Variants in MYO18A observed in about 807,000 individuals in gnomAD.
MYO18A encodes the protein unconventional myosin-XVIIIa.
In MYO18A, 78 loss-of-function variants were observed where a neutral mutation model predicts 235.8. The ratio of observed to expected loss-of-function variants is 0.33; its 90% CI spans 0.28 to 0.40. The LOEUF is 0.40. Among genes scored for constraint, MYO18A ranks in the 10% least tolerant of loss-of-function variants. The pLI is 1.00. For missense variants in MYO18A, 2,215 were observed against 2,699.3 expected (o/e 0.82, Z 3.98); for synonymous variants, 977 against 1,077.8 (o/e 0.91, Z 1.83).
At chr17:29,077,067 C>T (rs1338603934) in intron 41 of MYO18A, 5 of 152,308 alleles carry the variant, frequency 3.3e-5, no homozygotes, top group Non-Finnish European at 5.9e-5. Context: ...GCCGTGTTTC[C>T]ATACTGTTTC....
chr17:29,174,355 T>A (rs979272635), intron 1 of MYO18A, among the ~76,000 whole-genome samples: 1 of 151,950 alleles, frequency 6.6e-6, no homozygotes, highest in Admixed American at 6.6e-5. Flanking sequence ...AAAAATTTTT[T>A]AAAAGTAGCT....
chr17:29,116,592 ACAGT>A, intron 10 of MYO18A, 137 bp from the exon 11 acceptor site: 2 of 756,970 alleles, frequency 2.6e-6, no homozygotes, highest in South Asian at 3.1e-5. Flanking sequence ...AAACACAACC[ACAGT>A]CAGACTTGGG....
chr17:29,096,851 C>G lies in MYO18A; in HGVS notation c.4295G>C (p.Cys1432Ser), dbSNP rs750119577. 1 of 1,590,470 alleles carries G rather than the reference C, an allele frequency of 6.3e-7. No homozygotes were observed. The highest frequency in any genetic ancestry group is 1.8e-5 in the Admixed American group (1 of 56,752). ...TTGCAGCTCAGCCGTCAGTCGCTGG[C>G]ACTTCTTCTTGAGCTGCTGCAGAGC... ...QRALQQLKKK[C>S]QRLTAELQDT... The change falls in exon 28 of 42, where the codon TGC (cysteine) becomes TCC (serine). Residue 1432 changes from cysteine (C) to serine (S), a missense_variant. Coordinates refer to ENST00000527372, the MANE Select transcript of MYO18A (RefSeq NM_078471.4).
In MYO18A at chr17:29,111,359, G is replaced by A. The variant is rs1011514402; in HGVS notation, c.2900+65C>T. 1 of 1,558,924 alleles carries A rather than the reference G, an allele frequency of 6.4e-7. No individual in the cohort carries two copies. The highest frequency in any genetic ancestry group is 8.7e-7 in the Non-Finnish European group (1 of 1,147,358). On this transcript the variant is annotated intron_variant, in intron 17 of 41. Coordinates refer to ENST00000527372, the MANE Select transcript of MYO18A (RefSeq NM_078471.4). The surrounding 1 kb of genome is among the most constrained non-coding windows in gnomAD (Gnocchi z 5.1). ...GGGGCCTCTGAGACAACCCCAGGGG[G>A]AGGGAGCCCCAAAATCAAAACAGTC... is the stretch of plus-strand genomic sequence containing the variant.
intron 31 of MYO18A, 139 bp downstream of exon 31, chr17:29,093,841 G>T: frequency 1.5e-6 from 1 of 650,344 alleles, no homozygotes; most frequent in Non-Finnish European, 2.7e-6. Context: ...CCAATGCTAG[G>T]ATCCCGAGAG....
intron 2 of MYO18A, among the ~76,000 whole-genome samples, chr17:29,132,966 G>C (rs1479674979): frequency 6.6e-6 from 1 of 152,340 alleles, no homozygotes; most frequent in South Asian, 2.1e-4. Flanking sequence ...GGGCACACAG[G>C]TTAGTGGGAG....
chr17:29,164,973 G>T (rs2068249397), intron 2 of MYO18A, among the ~76,000 whole-genome samples: 1 of 152,176 alleles, frequency 6.6e-6, no homozygotes, highest in African/African-American at 2.4e-5. Flanking sequence ...AAAGACTCTT[G>T]GAGCCCAAGT....
intron 30 of MYO18A, chr17:29,094,376 G>A (rs1317836461): frequency 1.7e-6 from 1 of 600,044 alleles, no homozygotes; most frequent in African/African-American, 1.9e-5. Context: ...CTGGGTAGCA[G>A]GCTGGGTGGG....
intron 2 of MYO18A, among the ~76,000 whole-genome samples, chr17:29,154,121 T>TGTGTGTGCGC (rs142430455): frequency 5.4e-5 from 8 of 149,000 alleles, no homozygotes; most frequent in African/African-American, 2.0e-4. Context: ...TGTGTGTGTG[T>TGTGTGTGCGC]GCGCGCGCGT....
rs553785321 is a variant in MYO18A, at chr17:29,166,749, G to A, written c.192C>T (p.Asn64=). 4 of 1,613,900 alleles carry A rather than the reference G, an allele frequency of 2.5e-6. No homozygotes were observed. In the Admixed American group the frequency reaches 6.7e-5, roughly 27 times the overall value. Reference sequence around the variant, plus strand: ...CGCTGGCCACCTTGATGGGGATGGGGTTGGAGATTTCCAGGCGCGTCTTGG... The same window carrying A: ...CGCTGGCCACCTTGATGGGGATGGGATTGGAGATTTCCAGGCGCGTCTTGG... ...RESKTRLEIS[N]PIPIKVASGS... is the part of the protein sequence containing the mutation. Residue 64 remains asparagine, a synonymous_variant, in exon 2 of 42, where the codon AAC becomes AAT. Coordinates refer to ENST00000527372, the MANE Select transcript of MYO18A (RefSeq NM_078471.4).
At chr17:29,157,557 C>T (rs536415505) in intron 2 of MYO18A, among the ~76,000 whole-genome samples, 1 of 152,312 alleles carries the variant, frequency 6.6e-6, no homozygotes, top group East Asian at 1.9e-4. Context: ...TCACTTAATA[C>T]CTGTGCAACC....
Position 29,109,963 on chromosome 17 carries a change from A to C in MYO18A, c.3226T>G (p.Ser1076Ala). The change falls in exon 19 of 42, where the codon TCG becomes GCG. Residue 1076 changes from serine to alanine, a missense_variant. Coordinates refer to ENST00000527372, the MANE Select transcript of MYO18A (RefSeq NM_078471.4). This position sits in a 1 kb window ranked among gnomAD's most constrained non-coding sequence, Gnocchi z 4.1. ...VSSSSELDLP[S>A]GDHCEAGLLQ... ...AGCCCAGCCTCGCAGTGGTCTCCCGAGGGCAGGTCCAGCTCACTGCTGCTG... is the reference window on the plus strand; with the variant it reads ...AGCCCAGCCTCGCAGTGGTCTCCCGCGGGCAGGTCCAGCTCACTGCTGCTG... The C allele has an allele frequency of 6.2e-7, 1 of 1,610,816 alleles. No individual in the cohort carries two copies. Among genetic ancestry groups the C allele is most frequent in the Admixed American group, 1.7e-5 (1 of 59,678 alleles).
chr17:29,180,032 C>T lies in MYO18A; in HGVS notation c.-82+281G>A, dbSNP rs568130484. On this transcript the variant is annotated intron_variant, in intron 1 of 41. Transcript: ENST00000527372. This position sits in a 1 kb window ranked among gnomAD's most constrained non-coding sequence, Gnocchi z 6.1. Reference sequence around the variant, plus strand: ...AAATCCCCCCACACTGAAGGCCACCCTGTCCTGCCTCCCTGCGCCCCCCAG... The same window carrying T: ...AAATCCCCCCACACTGAAGGCCACCTTGTCCTGCCTCCCTGCGCCCCCCAG... Among the ~76,000 whole-genome samples, 21 of 152,110 alleles carry T rather than the reference C, an allele frequency of 1.4e-4. No homozygotes were observed. In the South Asian group the frequency reaches 3.7e-3, roughly 27 times the overall value.
At position 29,166,269 on chromosome 17, in the gene MYO18A, T is replaced by C; in HGVS notation, c.672A>G (p.Gln224=). 1 of 1,612,942 alleles carries C rather than the reference T, an allele frequency of 6.2e-7. No individual in the cohort carries two copies. Among genetic ancestry groups the C allele is most frequent in the Non-Finnish European group, 8.5e-7 (1 of 1,179,876 alleles). ...AGCCAAAGTCTCCAGTGGGCCGTCGTTGCAGCTCCAGCTCCCGGAGGGTAG... is the reference window on the plus strand; with the variant it reads ...AGCCAAAGTCTCCAGTGGGCCGTCGCTGCAGCTCCAGCTCCCGGAGGGTAG... ...PPPTLRELEL[Q]RRPTGDFGFS... Residue 224 remains glutamine (Q), a synonymous_variant, in exon 2 of 42, where the codon CAA becomes CAG. Transcript: ENST00000527372.
At chr17:29,087,534 A>T (rs1020949816) in intron 37 of MYO18A, among the ~76,000 whole-genome samples, 1 of 152,172 alleles carries the variant, frequency 6.6e-6, no homozygotes, top group East Asian at 1.9e-4. Context: ...TCCTGTGCTC[A>T]GAGGTAAATG....
In MYO18A at chr17:29,121,404, C is replaced by A; in HGVS notation, c.1371+143G>T. On this transcript the variant is annotated intron_variant, in intron 5 of 41. Transcript: ENST00000527372. This position sits in a 1 kb window ranked among gnomAD's most constrained non-coding sequence, Gnocchi z 4.2. ...TCAAAGGTTGTGGGGAGGTCCTGTC[C>A]CCCATCTCTTGAAATGACTCCTCTT... The A allele has an allele frequency of 9.3e-7, 1 of 1,079,712 alleles. No homozygotes were observed. The highest frequency in any genetic ancestry group is 1.6e-5 in the African/African-American group (1 of 62,806). The allele number at this position is 1,079,712 out of a possible 1,614,324, so 66.9% of individuals were successfully genotyped here. A position where few individuals can be genotyped will look rare whatever the true frequency, so the allele number is the denominator to read the frequency against.
chr17:29,105,255 C>A (rs2066755950), intron 20 of MYO18A, among the ~76,000 whole-genome samples: 1 of 151,396 alleles, frequency 6.6e-6, no homozygotes, highest in Non-Finnish European at 1.5e-5. Flanking sequence ...AGACCAGTGC[C>A]AGGGCATCAG....
At chr17:29,129,123 A>G in intron 2 of MYO18A, 1 of 1,289,322 alleles carries the variant, frequency 7.8e-7, no homozygotes, top group Non-Finnish European at 1.0e-6. Flanking sequence ...CCCATCCTGA[A>G]GGAAAAAATG....
chr17:29,082,820 A>G (rs921492810), intron 40 of MYO18A, among the ~76,000 whole-genome samples: 1 of 152,146 alleles, frequency 6.6e-6, no homozygotes, highest in African/African-American at 2.4e-5. Flanking sequence ...CTTGAGGCCT[A>G]CTCTGCTGTT....
Sources: gnomAD v4.1 joint callset for allele counts (sites outside exome capture counted in the v4.1 genomes callset) on GRCh38, gnomAD v4.1.1 for gene constraint, Gnocchi (gnomAD v3.1) non-coding constraint, MANE v1.5 for transcripts, NCBI Gene and HGNC (gene_info 2026-07-23, HGNC 2026-07-21) for gene names.